Variants in MDGA2 observed in about 807,000 individuals in gnomAD.
MDGA2 encodes MAM domain-containing glycosylphosphatidylinositol anchor protein 2.
In MDGA2, 40 loss-of-function variants were observed where a neutral mutation model predicts 117.8. That is an observed-to-expected ratio of 0.34 (90% CI 0.26 to 0.44). The LOEUF (loss-of-function observed/expected upper bound fraction) is 0.44. Among genes scored for constraint, MDGA2 ranks in the 20% least tolerant of loss-of-function variants. The probability of loss-of-function intolerance (pLI) is 1.00; values close to 1 mark genes in which losing one functional copy is unlikely to be tolerated. For synonymous variants in MDGA2, 452 were observed against 439.0 expected, an observed-to-expected ratio of 1.03 and a Z score of -0.37; for missense variants, 1,123 against 1,250.6, an observed-to-expected ratio of 0.90 and a Z score of 1.54.
chr14:47,566,700 C>T (rs79737152), intron 1 of MDGA2, among the ~76,000 whole-genome samples: 8 of 152,040 alleles, frequency 5.3e-5, no homozygotes, highest in African/African-American at 1.9e-4. Flanking sequence ...CCAGGAGTCA[C>T]TGGGGGCCAG....
chr14:47,502,033 C>A (rs1355389887), intron 1 of MDGA2, among the ~76,000 whole-genome samples: 1 of 151,904 alleles, frequency 6.6e-6, no homozygotes, highest in Non-Finnish European at 1.5e-5. Flanking sequence ...AAGATGAGAG[C>A]CTCATAATTA....
At chr14:47,050,001 G>A (rs1889399345) in intron 7 of MDGA2, among the ~76,000 whole-genome samples, 1 of 151,880 alleles carries the variant, frequency 6.6e-6, no homozygotes, top group Non-Finnish European at 1.5e-5. Flanking sequence ...CAATTCCTTA[G>A]TCAAATAGGT....
At chr14:47,214,725 T>A (rs1173991810) in intron 3 of MDGA2, among the ~76,000 whole-genome samples, 1 of 152,168 alleles carries the variant, frequency 6.6e-6, no homozygotes, top group Non-Finnish European at 1.5e-5. Flanking sequence ...CATTTCCTCA[T>A]CAAAATAATG....
At chr14:46,898,185 T>G (rs183971852) in intron 10 of MDGA2, among the ~76,000 whole-genome samples, 1 of 152,132 alleles carries the variant, frequency 6.6e-6, no homozygotes, top group African/African-American at 2.4e-5. Context: ...AGAAAAATAT[T>G]AGCAATTAAA....
intron 1 of MDGA2, among the ~76,000 whole-genome samples, chr14:47,386,712 G>T (rs567493084): frequency 2.0e-4 from 31 of 152,180 alleles, no homozygotes; most frequent in South Asian, 4.1e-4. Context: ...ATAATAAGAA[G>T]AAGAATCCAC....
chr14:47,180,290 C>A (rs1884647170), intron 3 of MDGA2, among the ~76,000 whole-genome samples: 1 of 152,032 alleles, frequency 6.6e-6, no homozygotes, highest in South Asian at 2.1e-4. Context: ...TAGGCACAGG[C>A]AAAGATTTCA....
rs186683894 is a variant in MDGA2, at chr14:47,163,521, C to A, written c.596-19247G>T. Among the ~76,000 whole-genome samples, 48 of 152,138 alleles carry A rather than the reference C, an allele frequency of 3.2e-4. 1 individual carries two copies. In the East Asian group the frequency reaches 5.6e-3, roughly 18 times the overall value. ...GTTTCTTGAGCAGGCTCTCTTTTTG[C>A]CTGCCGCCATCCATGCAAGATATGA... On this transcript the variant is annotated intron_variant, in intron 3 of 16. Coordinates refer to ENST00000399232, the MANE Select transcript of MDGA2 (RefSeq NM_001113498.3).
chr14:47,498,358 C>A (rs1001589566), intron 1 of MDGA2, among the ~76,000 whole-genome samples: 1 of 152,130 alleles, frequency 6.6e-6, no homozygotes, highest in Non-Finnish European at 1.5e-5. Flanking sequence ...GTTCACTGAG[C>A]TAATATTCCT....
intron 3 of MDGA2, among the ~76,000 whole-genome samples, chr14:47,199,817 A>T (rs908729261): frequency 3.3e-5 from 5 of 152,214 alleles, no homozygotes; most frequent in African/African-American, 4.8e-5. Context: ...TTTGATAGTC[A>T]GAAGTTTTAG....
intron 8 of MDGA2, among the ~76,000 whole-genome samples, chr14:46,978,330 GCTT>G (rs1438091154): frequency 1.3e-5 from 2 of 151,704 alleles, no homozygotes; most frequent in Non-Finnish European, 2.9e-5. Context: ...TTCAAAATTG[GCTT>G]CTTCATTTAT....
At position 47,674,759 on chromosome 14, in the gene MDGA2, C is replaced by T; in HGVS notation, c.38G>A (p.Arg13His). The T allele has an allele frequency of 1.4e-6, 1 of 706,548 alleles. No individual in the cohort carries two copies. Among genetic ancestry groups the T allele is most frequent in the Non-Finnish European group, 2.6e-6 (1 of 390,694 alleles). The allele number at this position is 706,548 out of a possible 1,614,324, so 43.8% of individuals were successfully genotyped here. A position where few individuals can be genotyped will look rare whatever the true frequency, so the allele number is the denominator to read the frequency against. Residue 13 changes from arginine (R) to histidine (H), a missense_variant, in exon 1 of 17, where the codon CGC becomes CAC. Physicochemically the swap from Arg to His is conservative, Grantham distance 29. This residue lies in a region of MDGA2 where 233 missense variants were observed against 200.3 expected (regional missense o/e 1.16). Transcript: ENST00000399232. ...VWSAGLLRSA[R>H]RRRRGRTDGR... ...GTCTGTCCTTCCCCGGCGGCGGCGG[C>T]GAGCGGAGCGCAGGAGCCCCGCACT...
intron 1 of MDGA2, among the ~76,000 whole-genome samples, chr14:47,602,152 A>G (rs558046019): frequency 6.6e-6 from 1 of 152,320 alleles, no homozygotes; most frequent in South Asian, 2.1e-4. Context: ...TAAGTGACAC[A>G]TATTTTGCTT....
Position 47,459,253 on chromosome 14 carries a change from TGGCATA to T in MDGA2, c.281-157709_281-157704del, listed in dbSNP as rs777983988. Among the ~76,000 whole-genome samples, 59 of 152,240 alleles carry T rather than the reference TGGCATA, an allele frequency of 3.9e-4. No homozygotes were observed. In the Middle Eastern group the frequency reaches 0.01, roughly 26 times the overall value. On this transcript the variant is annotated intron_variant, in intron 1 of 16. Coordinates refer to ENST00000399232, the MANE Select transcript of MDGA2 (RefSeq NM_001113498.3). Reference sequence around the variant, plus strand: ...CTCAAGAAGGATTACCTCCGAAGGCTGGCATAGGTCCTGGAGGTTTGGGGTATAAGA... The same window carrying T: ...CTCAAGAAGGATTACCTCCGAAGGCTGGTCCTGGAGGTTTGGGGTATAAGA...
intron 4 of MDGA2, among the ~76,000 whole-genome samples, chr14:47,139,883 C>CATATATAT (rs368412441): frequency 7.4e-5 from 9 of 120,948 alleles, no homozygotes; most frequent in African/African-American, 2.8e-4. Context: ...CACACACACA[C>CATATATAT]ATATATATAT....
At chr14:47,059,277 C>G in intron 7 of MDGA2, 8 of 1,236,712 alleles carry the variant, frequency 6.5e-6, no homozygotes, top group Non-Finnish European at 8.5e-6. Context: ...TGTAGAGCTT[C>G]CATTCTATGG....
At chr14:46,993,477 T>TC (rs1887172270) in intron 8 of MDGA2, among the ~76,000 whole-genome samples, 2 of 151,122 alleles carry the variant, frequency 1.3e-5, no homozygotes, top group Admixed American at 6.6e-5. Flanking sequence ...CTTTTTTTTT[T>TC]CTGACACAGA....
Position 47,251,677 on chromosome 14 carries a change from A to G in MDGA2, c.421-33482T>C, listed in dbSNP as rs561275480. ...CACAAAAAGCACACCAAGATGTTCA[A>G]ATTTCCCATAAATCATTCACACTCA... is the stretch of plus-strand genomic sequence containing the variant. On this transcript the variant is annotated intron_variant, in intron 2 of 16. Transcript: ENST00000399232. Among the ~76,000 whole-genome samples the G allele has an allele frequency of 2.2e-4, 34 of 152,302 alleles. No homozygotes were observed. In the South Asian group the frequency reaches 6.6e-3, roughly 30 times the overall value.
At chr14:47,545,363 T>C (rs1304672765) in intron 1 of MDGA2, among the ~76,000 whole-genome samples, 1 of 152,188 alleles carries the variant, frequency 6.6e-6, no homozygotes, top group Non-Finnish European at 1.5e-5. Flanking sequence ...CATTTTGTGG[T>C]CAGATAGACT....
At chr14:47,149,017 C>T (rs993064355) in intron 3 of MDGA2, among the ~76,000 whole-genome samples, 3 of 152,134 alleles carry the variant, frequency 2.0e-5, no homozygotes, top group Non-Finnish European at 4.4e-5. Flanking sequence ...TGGCTGGGCA[C>T]AGTGGATCAT....
Sources: gnomAD v4.1 joint callset for allele counts (sites outside exome capture counted in the v4.1 genomes callset) on GRCh38, gnomAD v4.1.1 for gene constraint, gnomAD v4.1.1 regional missense constraint, MANE v1.5 for transcripts, NCBI Gene and HGNC (gene_info 2026-07-23, HGNC 2026-07-21) for gene names.